Variants in JHY observed in about 807,000 individuals in gnomAD.
JHY encodes junctional cadherin complex regulator, also known as jhy protein homolog.
A neutral mutation model predicts 78.0 loss-of-function variants in JHY; 69 were observed. The observed-to-expected ratio is 0.88, with a 90% CI of 0.73 to 1.08. The LOEUF is 1.08. Among genes scored for constraint, JHY ranks in the 50% least tolerant of loss-of-function variants. The probability of loss-of-function intolerance (pLI) is 0.00; values close to 1 mark genes in which losing one functional copy is unlikely to be tolerated. For synonymous variants in JHY, 368 were observed against 342.6 expected (o/e 1.07, Z -0.82); for missense variants, 944 against 927.8 (o/e 1.02, Z -0.23).
intron 3 of JHY, among the ~76,000 whole-genome samples, chr11:122,914,258 A>G (rs1324272449): frequency 6.6e-6 from 1 of 152,148 alleles, no homozygotes; most frequent in Non-Finnish European, 1.5e-5. Flanking sequence ...TTGCCACCTA[A>G]AGGATATATT....
chr11:122,955,457 G>A (rs1864168552), intron 6 of JHY, among the ~76,000 whole-genome samples: 1 of 152,014 alleles, frequency 6.6e-6, no homozygotes, highest in Non-Finnish European at 1.5e-5. Flanking sequence ...AGTGGTTTGG[G>A]GAATATCTTA....
intron 2 of JHY, among the ~76,000 whole-genome samples, chr11:122,897,089 T>C (rs1862755244): frequency 6.6e-6 from 1 of 152,092 alleles, no homozygotes; most frequent in Admixed American, 6.5e-5. Context: ...ACTCCTGACC[T>C]CATAATCCAC....
intron 4 of JHY, among the ~76,000 whole-genome samples, chr11:122,928,924 A>G (rs949033746): frequency 7.3e-5 from 11 of 151,666 alleles, no homozygotes; most frequent in African/African-American, 2.2e-4. Flanking sequence ...CCAGGATTAC[A>G]GGCGTGAGCC....
In JHY at chr11:122,935,910, C is replaced by G. The variant is rs1863744636; in HGVS notation, c.1634+835C>G. On this transcript the variant is annotated intron_variant, in intron 5 of 8. Transcript: ENST00000227349. The surrounding 1 kb of genome is among the most constrained non-coding windows in gnomAD (Gnocchi z 4.5). Reference sequence around the variant, plus strand: ...AAAATAGTAAGGTACAAAATTACACCTTGGGTTGAATGACACTGGTAGAAG... The same window carrying G: ...AAAATAGTAAGGTACAAAATTACACGTTGGGTTGAATGACACTGGTAGAAG... 6.6e-6 allele frequency among the ~76,000 whole-genome samples: 1 copy of G among 151,974 alleles called. No homozygotes were observed. Among genetic ancestry groups the G allele is most frequent in the Non-Finnish European group, 1.5e-5 (1 of 67,982 alleles).
At chr11:122,941,621 T>G (rs2135365903) in intron 5 of JHY, among the ~76,000 whole-genome samples, 1 of 152,350 alleles carries the variant, frequency 6.6e-6, no homozygotes, top group Non-Finnish European at 1.5e-5. Flanking sequence ...AAATTAATTC[T>G]TTTCTCTTGG....
intron 4 of JHY, among the ~76,000 whole-genome samples, chr11:122,933,473 G>A (rs185420035): frequency 2.9e-4 from 44 of 152,322 alleles, no homozygotes; most frequent in African/African-American, 9.6e-4. Flanking sequence ...AATGGCAATA[G>A]CACAATATAG....
At chr11:122,932,438 G>A (rs150947659) in intron 4 of JHY, among the ~76,000 whole-genome samples, 143 of 152,214 alleles carry the variant, frequency 9.4e-4, no homozygotes, top group Middle Eastern at 3.4e-3. Flanking sequence ...AAGATCAAGT[G>A]GTAACCCAGG....
intron 3 of JHY, chr11:122,905,142 CA>C: frequency 6.6e-7 from 1 of 1,508,182 alleles, no homozygotes; most frequent in Middle Eastern, 1.7e-4. Context: ...AAAATTGGGA[CA>C]GTAATAAATG....
rs1864309424 is a variant in JHY at position 122,961,265 on chromosome 11, TC to T, written c.*1823del. On this transcript the variant is annotated 3_prime_UTR_variant, in exon 9 of 9. Coordinates refer to ENST00000227349, the MANE Select transcript of JHY (RefSeq NM_024806.4). The stretch of plus-strand genomic sequence containing the variant: ...TCAATCTATTGGCCAATCAGATGTT[TC>T]CCATCCTTCTTACTCAGCATTTGAG... 2.0e-5 allele frequency among the ~76,000 whole-genome samples: 3 copies of T among 152,290 alleles called. No homozygotes were observed. The highest frequency in any genetic ancestry group is 7.2e-5 in the African/African-American group (3 of 41,564).
At chr11:122,922,455 A>G (rs935346421) in intron 3 of JHY, among the ~76,000 whole-genome samples, 2 of 152,192 alleles carry the variant, frequency 1.3e-5, no homozygotes, top group African/African-American at 2.4e-5. Context: ...TTTACTTATC[A>G]CTTAATATTT....
chr11:122,960,761 CA>C lies in JHY; in HGVS notation c.*1319del. 2.1e-6 allele frequency: 1 copy of C among 478,716 alleles called. No individual in the cohort carries two copies. The highest frequency in any genetic ancestry group is 4.1e-6 in the Non-Finnish European group (1 of 241,030). 29.7% of individuals were successfully genotyped at this position (478,716 alleles called of 1,614,324 possible). On this transcript the variant is annotated 3_prime_UTR_variant, in exon 9 of 9. Transcript: ENST00000227349. ...TAGAAGAGGTGAAGCAGGCTTCCAT[CA>C]AACAAATCCAGGATGCAATTGATTT...
At chr11:122,956,372 C>G in intron 6 of JHY, 124 bp from the exon 7 acceptor site, 7 of 616,076 alleles carry the variant, frequency 1.1e-5, no homozygotes, top group Non-Finnish European at 1.9e-5. Flanking sequence ...CATTCTCTGA[C>G]AGTGCACACA....
In JHY at chr11:122,935,765, AT is replaced by A. The variant is rs1171252759; in HGVS notation, c.1634+691del. ...CAGAAAAATATGCACATACAAAAAAATCATCATTTATAGAGGTGACCTAAAA... is the reference window on the plus strand; with the variant it reads ...CAGAAAAATATGCACATACAAAAAAACATCATTTATAGAGGTGACCTAAAA... On this transcript the variant is annotated intron_variant, in intron 5 of 8. Coordinates refer to ENST00000227349, the MANE Select transcript of JHY (RefSeq NM_024806.4). This position sits in a 1 kb window ranked among gnomAD's most constrained non-coding sequence, Gnocchi z 4.5. Among the ~76,000 whole-genome samples, 7 of 152,290 alleles carry A rather than the reference AT, an allele frequency of 4.6e-5. No homozygotes were observed. The highest frequency in any genetic ancestry group is 3.3e-4 in the Admixed American group (5 of 15,294).
chr11:122,910,303 G>A lies in JHY; in HGVS notation c.864+5859G>A, dbSNP rs200846611. Among the ~76,000 whole-genome samples, 4 of 152,090 alleles carry A rather than the reference G, an allele frequency of 2.6e-5. No homozygotes were observed. In the East Asian group the frequency reaches 7.7e-4, roughly 29 times the overall value. Reference sequence around the variant, plus strand: ...CCGCCTGACCAACATGTGAAACCCTGTCTCTACTAAAAAATACAAAAATTA... The same window carrying A: ...CCGCCTGACCAACATGTGAAACCCTATCTCTACTAAAAAATACAAAAATTA... On this transcript the variant is annotated intron_variant, in intron 3 of 8. Transcript: ENST00000227349.
intron 2 of JHY, among the ~76,000 whole-genome samples, chr11:122,902,724 C>A (rs1307774591): frequency 6.6e-6 from 1 of 152,078 alleles, no homozygotes; most frequent in African/African-American, 2.4e-5. Context: ...AGCTGCTATG[C>A]ACTCTTGAAC....
chr11:122,904,291 G>A lies in JHY; in HGVS notation c.711G>A (p.Glu237=). The change falls in exon 3 of 9, where the codon GAG becomes GAA. Residue 237 remains glutamate (E), a synonymous_variant. Transcript: ENST00000227349. ...TGAAGAGCTCAAGTTCACATAACGAGGTTTTCCTGCCGGGATCACGTGGCC... is the reference window on the plus strand; with the variant it reads ...TGAAGAGCTCAAGTTCACATAACGAAGTTTTCCTGCCGGGATCACGTGGCC... ...PYVKSSSSHN[E]VFLPGSRGPR... 1 of 1,614,090 alleles carries A rather than the reference G, an allele frequency of 6.2e-7. No individual in the cohort carries two copies. The highest frequency in any genetic ancestry group is 8.5e-7 in the Non-Finnish European group (1 of 1,180,032).
intron 2 of JHY, among the ~76,000 whole-genome samples, chr11:122,893,577 A>G (rs1862671211): frequency 6.6e-6 from 1 of 152,200 alleles, no homozygotes; most frequent in Non-Finnish European, 1.5e-5. Context: ...ATGACCTACA[A>G]CGCTGTGAGT....
intron 3 of JHY, among the ~76,000 whole-genome samples, chr11:122,904,870 C>T (rs3741016): frequency 0.4 from 61,397 of 152,010 alleles, 14,945 homozygotes; most frequent in Middle Eastern, 0.57. Flanking sequence ...TTGTTACCAC[C>T]ATAGCAGAGG....
chr11:122,915,926 CAGAA>C, intron 3 of JHY, among the ~76,000 whole-genome samples: 1 of 151,920 alleles, frequency 6.6e-6, no homozygotes, highest in East Asian at 1.9e-4. Flanking sequence ...GCTGTCAGTA[CAGAA>C]AGAACTTCTA....
Sources: gnomAD v4.1 joint callset for allele counts (sites outside exome capture counted in the v4.1 genomes callset) on GRCh38, gnomAD v4.1.1 for gene constraint, Gnocchi (gnomAD v3.1) non-coding constraint, MANE v1.5 for transcripts, NCBI Gene and HGNC (gene_info 2026-07-23, HGNC 2026-07-21) for gene names.